IGSF21: variants seen among roughly 807,000 people sequenced by gnomAD.
The protein encoded by IGSF21 is immunoglobin superfamily member 21.
IGSF21 carries 28 observed loss-of-function variants against 46.8 expected under a neutral mutation model. That is an observed-to-expected ratio of 0.60 (90% CI 0.44 to 0.82). The LOEUF (loss-of-function observed/expected upper bound fraction) is 0.82, where lower values mean the gene tolerates loss of function less well. IGSF21 is among the 40% of genes least tolerant of loss of function. The probability of loss-of-function intolerance (pLI) is 0.00; values close to 1 mark genes in which losing one functional copy is unlikely to be tolerated. For missense variants in IGSF21, 624 were observed against 665.5 expected, an observed-to-expected ratio of 0.94 and a Z score of 0.69; for synonymous variants, 284 against 273.6, an observed-to-expected ratio of 1.04 and a Z score of -0.38.
intron 3 of IGSF21, among the ~76,000 whole-genome samples, chr1:18,301,025 G>A (rs986141711): frequency 2.4e-4 from 37 of 152,256 alleles, no homozygotes; most frequent in African/African-American, 8.4e-4. Context: ...GGGCTGAAGG[G>A]TTGTATTCCA....
intron 2 of IGSF21, among the ~76,000 whole-genome samples, chr1:18,274,257 C>T (rs959275266): frequency 2.1e-5 from 3 of 146,110 alleles, no homozygotes; most frequent in African/African-American, 7.9e-5. Flanking sequence ...TCTTGCTCAA[C>T]ACTCCAGACC....
intron 4 of IGSF21, among the ~76,000 whole-genome samples, chr1:18,352,977 G>A (rs952827723): frequency 6.6e-6 from 1 of 152,226 alleles, no homozygotes; most frequent in East Asian, 1.9e-4. Context: ...CCTCGCCACT[G>A]CACCAAGCAC....
At chr1:18,250,567 C>G (rs547266103) in intron 2 of IGSF21, among the ~76,000 whole-genome samples, 263 of 152,316 alleles carry the variant, frequency 1.7e-3, no homozygotes, top group Middle Eastern at 6.8e-3. Flanking sequence ...AATTAAACTA[C>G]CTTCAAACAT....
intron 3 of IGSF21, among the ~76,000 whole-genome samples, chr1:18,303,038 G>A (rs1316440061): frequency 6.6e-6 from 1 of 152,120 alleles, no homozygotes; most frequent in Non-Finnish European, 1.5e-5. Flanking sequence ...ATGGCAACTT[G>A]GGGGCTGGGG....
intron 3 of IGSF21, among the ~76,000 whole-genome samples, chr1:18,320,122 AT>A (rs2085586379): frequency 6.6e-6 from 1 of 152,206 alleles, no homozygotes; most frequent in Non-Finnish European, 1.5e-5. Flanking sequence ...TCTAGTTTCC[AT>A]CTCCCCATGG....
At chr1:18,270,314 C>T (rs2085030426) in intron 2 of IGSF21, among the ~76,000 whole-genome samples, 1 of 152,202 alleles carries the variant, frequency 6.6e-6, no homozygotes, top group African/African-American at 2.4e-5. Context: ...TCTCTTGGCT[C>T]CATCCCTTAT....
At chr1:18,224,590 T>C (rs917194114) in intron 1 of IGSF21, among the ~76,000 whole-genome samples, 1 of 152,204 alleles carries the variant, frequency 6.6e-6, no homozygotes, top group Non-Finnish European at 1.5e-5. Context: ...CTATTGTTAC[T>C]GATATGTCCC....
intron 2 of IGSF21, among the ~76,000 whole-genome samples, chr1:18,254,654 G>A (rs1382082871): frequency 6.6e-6 from 1 of 152,162 alleles, no homozygotes; most frequent in Non-Finnish European, 1.5e-5. Context: ...GCCTTCTCAG[G>A]TTGTGGCTGA....
chr1:18,174,708 C>T (rs1175226561), intron 1 of IGSF21, among the ~76,000 whole-genome samples: 2 of 152,254 alleles, frequency 1.3e-5, no homozygotes, highest in African/African-American at 4.8e-5. Flanking sequence ...CTCTGAGGCT[C>T]ACGTCTGTTC....
At chr1:18,213,834 A>G (rs1364049437) in intron 1 of IGSF21, among the ~76,000 whole-genome samples, 1 of 152,166 alleles carries the variant, frequency 6.6e-6, no homozygotes, top group Non-Finnish European at 1.5e-5. Flanking sequence ...CCCTCTCATC[A>G]GCCCAGGATC....
intron 1 of IGSF21, among the ~76,000 whole-genome samples, chr1:18,198,911 C>T (rs1366518104): frequency 6.6e-6 from 1 of 152,006 alleles, no homozygotes; most frequent in Admixed American, 6.5e-5. Flanking sequence ...CCTGCCCCCT[C>T]TGCCCAGATG....
At chr1:18,182,474 C>A (rs962638982) in intron 1 of IGSF21, among the ~76,000 whole-genome samples, 1 of 152,126 alleles carries the variant, frequency 6.6e-6, no homozygotes, top group Non-Finnish European at 1.5e-5. Context: ...CCACTGCACC[C>A]GACCCCCAGA....
chr1:18,200,903 G>A (rs1332882682), intron 1 of IGSF21, among the ~76,000 whole-genome samples: 5 of 152,178 alleles, frequency 3.3e-5, no homozygotes, highest in Non-Finnish European at 7.3e-5. Flanking sequence ...GGGATAATGA[G>A]GAGGGGTCCA....
intron 3 of IGSF21, among the ~76,000 whole-genome samples, chr1:18,295,852 G>T (rs535676642): frequency 1.2e-4 from 18 of 152,316 alleles, no homozygotes; most frequent in African/African-American, 4.1e-4. Flanking sequence ...TGCATACCCA[G>T]CCCCCTCGTC....
At chr1:18,113,975 T>C (rs1459048640) in intron 1 of IGSF21, 1 of 152,196 alleles carries the variant, frequency 6.6e-6, no homozygotes, top group Non-Finnish European at 1.5e-5. Flanking sequence ...GTGTTCTCAT[T>C]GGTTACATTT....
At chr1:18,347,192 G>A (rs1471531598) in intron 4 of IGSF21, among the ~76,000 whole-genome samples, 1 of 151,096 alleles carries the variant, frequency 6.6e-6, no homozygotes, top group Non-Finnish European at 1.5e-5. Flanking sequence ...ACACAGTTCT[G>A]CAAAGAAGTG....
At chr1:18,119,644 T>C (rs960202294) in intron 1 of IGSF21, among the ~76,000 whole-genome samples, 10 of 152,214 alleles carry the variant, frequency 6.6e-5, no homozygotes, top group African/African-American at 2.4e-4. Context: ...CTCAGGCTGA[T>C]GCCCTCAAGC....
chr1:18,290,815 G>A lies in IGSF21; in HGVS notation c.184-1051G>A, dbSNP rs779799805. 2.1e-4 allele frequency among the ~76,000 whole-genome samples: 31 copies of A among 150,616 alleles called. No homozygotes were observed. The highest frequency in any genetic ancestry group is 3.5e-4 in the Non-Finnish European group (24 of 67,742). On this transcript the variant is annotated intron_variant, in intron 2 of 9. Transcript: ENST00000251296. The surrounding 1 kb of genome is among the most constrained non-coding windows in gnomAD (Gnocchi z 4.2). ...CTACCCCAGCCCCTTGGAGTCACCCGTCCCTAGCCAGCCCCCTCCCTGCCC... is the reference window on the plus strand; with the variant it reads ...CTACCCCAGCCCCTTGGAGTCACCCATCCCTAGCCAGCCCCCTCCCTGCCC...
chr1:18,255,754 C>T (rs537538524), intron 2 of IGSF21, among the ~76,000 whole-genome samples: 1 of 152,202 alleles, frequency 6.6e-6, no homozygotes, highest in South Asian at 2.1e-4. Flanking sequence ...TTGTCAATTC[C>T]ACTTCCTAAA....
Sources: gnomAD v4.1 joint callset for allele counts (sites outside exome capture counted in the v4.1 genomes callset) on GRCh38, gnomAD v4.1.1 for gene constraint, Gnocchi (gnomAD v3.1) non-coding constraint, MANE v1.5 for transcripts, NCBI Gene and HGNC (gene_info 2026-07-23, HGNC 2026-07-21) for gene names.